Variants in ARHGAP28 observed in about 807,000 individuals in gnomAD.
The protein encoded by ARHGAP28 is Rho GTPase activating protein 28.
In ARHGAP28, 56 loss-of-function variants were observed where a neutral mutation model predicts 90.7. The observed-to-expected ratio is 0.62, with a 90% CI of 0.50 to 0.77. The LOEUF is 0.77. ARHGAP28 is among the 30% of genes least tolerant of loss of function. The pLI, the probability that ARHGAP28 is intolerant of heterozygous loss-of-function variation, is 0.00. For missense variants in ARHGAP28, 869 were observed against 900.9 expected (o/e 0.96, Z 0.45); for synonymous variants, 308 against 323.3 (o/e 0.95, Z 0.51).
chr18:6,827,591 C>T (rs1341194127), intron 2 of ARHGAP28, among the ~76,000 whole-genome samples: 7 of 132,928 alleles, frequency 5.3e-5, no homozygotes, highest in Admixed American at 7.5e-5. Flanking sequence ...GGGTGGGGGG[C>T]TGACCCCCAC....
At chr18:6,898,589 A>C in intron 16 of ARHGAP28, 4 of 1,597,926 alleles carry the variant, frequency 2.5e-6, no homozygotes, top group Non-Finnish European at 3.4e-6. Flanking sequence ...TCATATAGAG[A>C]CTTGAAATAT....
chr18:6,898,846 G>T (rs1192124136), intron 16 of ARHGAP28: 1 of 826,534 alleles, frequency 1.2e-6, no homozygotes. Flanking sequence ...AGGATGTAAA[G>T]GCCTAAGAAT....
At chr18:6,884,004 A>G (rs1306862568) in intron 11 of ARHGAP28, among the ~76,000 whole-genome samples, 1 of 152,076 alleles carries the variant, frequency 6.6e-6, no homozygotes, top group Non-Finnish European at 1.5e-5. Context: ...TTTTCTGTTG[A>G]GGTGACCTAT....
chr18:6,864,669 A>G (rs1429084493), intron 5 of ARHGAP28, among the ~76,000 whole-genome samples: 2 of 151,990 alleles, frequency 1.3e-5, no homozygotes, highest in African/African-American at 4.8e-5. Context: ...ATTTTAAATT[A>G]ATAAACTTTA....
chr18:6,872,883 T>C (rs2057100891), intron 7 of ARHGAP28, among the ~76,000 whole-genome samples: 1 of 152,192 alleles, frequency 6.6e-6, no homozygotes, highest in Non-Finnish European at 1.5e-5. Flanking sequence ...ATAACTGTTG[T>C]CTCAGCAAGC....
intron 14 of ARHGAP28, among the ~76,000 whole-genome samples, chr18:6,892,157 G>C (rs549557301): frequency 1.3e-5 from 2 of 152,068 alleles, no homozygotes; most frequent in East Asian, 3.9e-4. Flanking sequence ...ACTATTTTAA[G>C]CTTTGAAATT....
chr18:6,759,012 A>G (rs1490446352), intron 1 of ARHGAP28, among the ~76,000 whole-genome samples: 1 of 152,338 alleles, frequency 6.6e-6, no homozygotes, highest in East Asian at 1.9e-4. Flanking sequence ...TTAAATTTGA[A>G]TAAAATCCTT....
intron 1 of ARHGAP28, among the ~76,000 whole-genome samples, chr18:6,809,358 C>T (rs1391825712): frequency 1.3e-5 from 2 of 152,164 alleles, no homozygotes; most frequent in African/African-American, 4.8e-5. Context: ...TTTGTTTTGG[C>T]TCCATTTGCC....
At position 6,729,927 on chromosome 18, in the gene ARHGAP28, A is replaced by T; in HGVS notation, c.106A>T (p.Ser36Cys). 2.2e-6 allele frequency: 3 copies of T among 1,393,454 alleles called. No individual in the cohort carries two copies. The highest frequency in any genetic ancestry group is 3.2e-5 in the South Asian group (2 of 62,560). The allele number at this position is 1,393,454 out of a possible 1,614,324, so 86.3% of individuals were successfully genotyped here. A position where few individuals can be genotyped will look rare whatever the true frequency, so the allele number is the denominator to read the frequency against. The stretch of plus-strand genomic sequence containing the variant: ...GCGCTGCGCGCCCCGCGCCGCAGCC[A>T]GCCACCCGCTCAGCAGGTACCCGGA... ...ESRCAPRAAA[S>C]HPLSRKSIPR... Residue 36 changes from serine to cysteine, a missense_variant, in exon 1 of 18, where the codon AGC becomes TGC. By Grantham distance (112) the Ser-to-Cys change is moderately radical. Coordinates refer to ENST00000383472, the MANE Select transcript of ARHGAP28 (RefSeq NM_001366230.1).
intron 1 of ARHGAP28, among the ~76,000 whole-genome samples, chr18:6,770,131 G>T (rs2056230623): frequency 6.6e-6 from 1 of 152,158 alleles, no homozygotes; most frequent in Admixed American, 6.6e-5. Context: ...AGCAGTAATT[G>T]CAGGCTTTGG....
chr18:6,841,181 CT>C (rs869295793), intron 3 of ARHGAP28, among the ~76,000 whole-genome samples: 1 of 21,328 alleles, frequency 4.7e-5, no homozygotes, highest in African/African-American at 3.4e-4. Context: ...TCTCTCTCTC[CT>C]CTCTCTCTCT....
intron 7 of ARHGAP28, among the ~76,000 whole-genome samples, chr18:6,873,179 A>T (rs983163297): frequency 6.6e-6 from 1 of 152,216 alleles, no homozygotes; most frequent in African/African-American, 2.4e-5. Flanking sequence ...TGCAATGGCA[A>T]TGTTATCATA....
intron 1 of ARHGAP28, among the ~76,000 whole-genome samples, chr18:6,782,813 A>G (rs904605466): frequency 2.0e-5 from 3 of 151,386 alleles, no homozygotes; most frequent in Admixed American, 6.6e-5. Flanking sequence ...GTGTGCCCAT[A>G]TGTATTTCTC....
chr18:6,892,145 T>A (rs952594488), intron 14 of ARHGAP28, among the ~76,000 whole-genome samples: 6 of 152,112 alleles, frequency 3.9e-5, no homozygotes, highest in Non-Finnish European at 7.4e-5. Flanking sequence ...AATATAAAAT[T>A]CACTATTTTA....
chr18:6,846,136 T>TG (rs2056864562), intron 3 of ARHGAP28, among the ~76,000 whole-genome samples: 1 of 152,230 alleles, frequency 6.6e-6, no homozygotes, highest in African/African-American at 2.4e-5. Context: ...GGATTCATGG[T>TG]GGCAGACCAT....
At chr18:6,819,076 CCT>C (rs2056610118) in intron 1 of ARHGAP28, among the ~76,000 whole-genome samples, 1 of 152,094 alleles carries the variant, frequency 6.6e-6, no homozygotes, top group Non-Finnish European at 1.5e-5. Flanking sequence ...TATGTATAAA[CCT>C]CTCCATAAAA....
At chr18:6,841,551 A>G (rs183156025) in intron 3 of ARHGAP28, among the ~76,000 whole-genome samples, 1 of 151,918 alleles carries the variant, frequency 6.6e-6, no homozygotes, top group East Asian at 1.9e-4. Context: ...AAATTCAGTA[A>G]TTTAGAAAAT....
At position 6,887,251 on chromosome 18, in the gene ARHGAP28, C is replaced by G. The variant is rs767129529; in HGVS notation, c.1536+12C>G. The G allele has an allele frequency of 6.2e-7, 1 of 1,612,718 alleles. No individual in the cohort carries two copies. The highest frequency in any genetic ancestry group is 8.5e-7 in the Non-Finnish European group (1 of 1,178,960). On this transcript the variant is annotated intron_variant, in intron 12 of 17. Transcript: ENST00000383472. The stretch of plus-strand genomic sequence containing the variant: ...GAGATGCAGCTCAGGTACGTCGTGT[C>G]CACCTCACAGCTTGTCCTGGGGCTC...
chr18:6,868,065 A>C (rs2057051615), intron 5 of ARHGAP28, 85 bp from the exon 6 acceptor site: 1 of 1,094,474 alleles, frequency 9.1e-7, no homozygotes, highest in Non-Finnish European at 1.4e-6. Context: ...ACTCTTGTAT[A>C]CTGCAGAACA....
Sources: allele counts gnomAD v4.1 joint callset (sites outside exome capture counted in the v4.1 genomes callset), GRCh38; gene constraint gnomAD v4.1.1; transcripts MANE v1.5; gene names NCBI Gene and HGNC (gene_info 2026-07-23, HGNC 2026-07-21).